APTX: variants seen among roughly 807,000 people sequenced by gnomAD.
APTX encodes forkhead-associated domain histidine triad-like protein.
A neutral mutation model predicts 42.3 loss-of-function variants in APTX; 33 were observed. The ratio of observed to expected loss-of-function variants is 0.78; its 90% CI spans 0.59 to 1.04. The LOEUF is 1.04. Among genes scored for constraint, APTX ranks in the 50% least tolerant of loss-of-function variants. The pLI is 0.00. For synonymous variants in APTX, 130 were observed against 146.7 expected (o/e 0.89, Z 0.82); for missense variants, 421 against 415.1 (o/e 1.01, Z -0.12).
At chr9:32,989,033 C>A (rs1020464689) in intron 2 of APTX, among the ~76,000 whole-genome samples, 1 of 152,150 alleles carries the variant, frequency 6.6e-6, no homozygotes, top group African/African-American at 2.4e-5. Flanking sequence ...GGACAGGGTG[C>A]CACATACATG....
Position 32,987,680 on chromosome 9 carries a change from T to C in APTX, c.347A>G (p.Lys116Arg), listed in dbSNP as rs764249025. The change falls in exon 4 of 8, where the codon AAG becomes AGG. Residue 116 changes from lysine to arginine, a missense_variant. Physicochemically the swap from Lys to Arg is conservative, Grantham distance 26. Coordinates refer to ENST00000379817, the MANE Select transcript of APTX (RefSeq NM_001195248.2). ...TATAGAATCACTGTTGCCTGATCTC[T>C]TTCTCTTCCTGTGTGTTTCCAGGCC... ...NPGLETHRKR[K>R]RSGNSDSIER... The C allele has an allele frequency of 4.3e-6, 7 of 1,614,088 alleles. No individual in the cohort carries two copies. The highest frequency in any genetic ancestry group is 4.0e-5 in the African/African-American group (3 of 74,930).
intron 6 of APTX, chr9:32,979,984 C>T (rs915025294): frequency 3.1e-5 from 5 of 160,902 alleles, no homozygotes; most frequent in Admixed American, 6.5e-5. Context: ...AAGCACCTCG[C>T]AACACTTTAA....
At chr9:32,995,269 A>G (rs1834552634) in intron 1 of APTX, among the ~76,000 whole-genome samples, 1 of 152,226 alleles carries the variant, frequency 6.6e-6, no homozygotes. Context: ...TGAAAAGGAT[A>G]CAACCATTCT....
At chr9:33,013,963 A>G (rs1449713744) in intron 1 of APTX, among the ~76,000 whole-genome samples, 1 of 152,222 alleles carries the variant, frequency 6.6e-6, no homozygotes, top group Non-Finnish European at 1.5e-5. Flanking sequence ...GGCAGCTAAA[A>G]GTAACTGAAC....
chr9:33,001,449 C>A (rs1327910058), intron 1 of APTX, 118 bp downstream of exon 1: 6 of 1,568,290 alleles, frequency 3.8e-6, no homozygotes, highest in East Asian at 2.3e-5. Flanking sequence ...GTGAGAGCAG[C>A]GCATGAAAGC....
intron 6 of APTX, among the ~76,000 whole-genome samples, chr9:32,977,944 A>G (rs2118430420): frequency 6.6e-6 from 1 of 152,344 alleles, no homozygotes; most frequent in African/African-American, 2.4e-5. Context: ...GGACTAACCC[A>G]AGTGTGTTGC....
intron 1 of APTX, among the ~76,000 whole-genome samples, chr9:33,024,085 T>C (rs892256777): frequency 3.9e-5 from 6 of 152,264 alleles, no homozygotes; most frequent in Admixed American, 2.0e-4. Flanking sequence ...TCTCCCCTAC[T>C]GACTTCTACC....
chr9:32,976,574 G>C (rs970760049), intron 6 of APTX, among the ~76,000 whole-genome samples: 4 of 152,240 alleles, frequency 2.6e-5, no homozygotes, highest in Non-Finnish European at 5.9e-5. Context: ...GGTCAGTATA[G>C]GTTTCCAAAT....
chr9:33,010,532 C>A (rs1587645158), intron 1 of APTX, among the ~76,000 whole-genome samples: 1 of 152,034 alleles, frequency 6.6e-6, no homozygotes, highest in East Asian at 1.9e-4. Flanking sequence ...CCAGCCTGGT[C>A]AACATGGTGA....
chr9:33,007,779 A>G (rs1837263439), intron 1 of APTX, among the ~76,000 whole-genome samples: 1 of 151,806 alleles, frequency 6.6e-6, no homozygotes, highest in Non-Finnish European at 1.5e-5. Flanking sequence ...AAAAAAAAAA[A>G]GTAGGTAAAC....
upstream of APTX, among the ~76,000 whole-genome samples, chr9:33,006,190 T>G (rs1341975208): frequency 2.6e-5 from 4 of 151,880 alleles, no homozygotes; most frequent in Non-Finnish European, 5.9e-5. Flanking sequence ...GGAAGATGAG[T>G]CAGGAGGATT....
chr9:32,988,179 A>ACTTGCTT (rs778102109), intron 2 of APTX, 50 bp from the exon 3 acceptor site: 2 of 1,548,954 alleles, frequency 1.3e-6, no homozygotes, highest in African/African-American at 1.4e-5. Context: ...AGAACCAGGC[A>ACTTGCTT]CTTGCTCCTA....
Position 32,986,044 on chromosome 9 carries a change from A to AG in APTX, c.484-15_484-14insC, listed in dbSNP as rs1831973749. Reference sequence around the variant, plus strand: ...GCCCAGGGATTCCTAAAAAAAAAACAAAAAAAAAAACAAAAAAAAAAAAAA... The same window carrying AG: ...GCCCAGGGATTCCTAAAAAAAAAACAGAAAAAAAAAACAAAAAAAAAAAAAA... On this transcript the variant is annotated splice_polypyrimidine_tract_variant and intron_variant, in intron 4 of 7. Transcript: ENST00000379817. 1 of 611,800 alleles carries AG rather than the reference A, an allele frequency of 1.6e-6. No homozygotes were observed. Among genetic ancestry groups the AG allele is most frequent in the East Asian group, 3.5e-5 (1 of 28,688 alleles). 37.9% of individuals were successfully genotyped at this position (611,800 alleles called of 1,614,324 possible).
At chr9:32,989,143 C>A (rs1341951785) in intron 2 of APTX, among the ~76,000 whole-genome samples, 1 of 152,316 alleles carries the variant, frequency 6.6e-6, no homozygotes, top group South Asian at 2.1e-4. Flanking sequence ...TGTATCCCTC[C>A]ACTTAGATTA....
intron 6 of APTX, among the ~76,000 whole-genome samples, chr9:32,979,133 C>T (rs1335105744): frequency 2.0e-5 from 3 of 152,046 alleles, no homozygotes; most frequent in African/African-American, 7.3e-5. Context: ...GATTGTTTCG[C>T]CACCCAGGTA....
At chr9:32,993,798 A>G (rs1010138875) in intron 1 of APTX, among the ~76,000 whole-genome samples, 5 of 150,284 alleles carry the variant, frequency 3.3e-5, no homozygotes, top group African/African-American at 1.2e-4. Context: ...AGCTCACTGC[A>G]AACTCCACCT....
In APTX at chr9:32,988,102, C is replaced by T. The variant is rs1163973176; in HGVS notation, c.161G>A (p.Gly54Glu). The change falls in exon 3 of 8, where the codon GGA becomes GAA. Residue 54 changes from glycine (G) to glutamate (E), a missense_variant. Transcript: ENST00000379817. Reference sequence around the variant, plus strand: ...ACCTACCTGCTTTACCTTGACATATCCCTTGTTACACTCTGCTTTCAACTG... The same window carrying T: ...ACCTACCTGCTTTACCTTGACATATTCCTTGTTACACTCTGCTTTCAACTG... ...QVQLKAECNK[G>E]YVKVKQVGVN... 1.9e-6 allele frequency: 3 copies of T among 1,613,952 alleles called. No individual in the cohort carries two copies. Among genetic ancestry groups the T allele is most frequent in the Admixed American group, 1.7e-5 (1 of 60,004 alleles).
intron 1 of APTX, among the ~76,000 whole-genome samples, chr9:33,022,001 C>T (rs13299669): frequency 0.032 from 4,778 of 149,262 alleles, 101 homozygotes; most frequent in Non-Finnish European, 0.048. Flanking sequence ...AAGTACTAGA[C>T]CTAACCTGTA....
chr9:33,013,563 T>C (rs1323402253), intron 1 of APTX, among the ~76,000 whole-genome samples: 1 of 152,080 alleles, frequency 6.6e-6, no homozygotes. Context: ...TCCCAGCACT[T>C]TGGGAGGCCA....
Sources: gnomAD v4.1 joint callset for allele counts (sites outside exome capture counted in the v4.1 genomes callset) on GRCh38, gnomAD v4.1.1 for gene constraint, MANE v1.5 for transcripts, NCBI Gene and HGNC (gene_info 2026-07-23, HGNC 2026-07-21) for gene names.